CDH12: variants seen among roughly 807,000 people sequenced by gnomAD.
The protein encoded by CDH12 is cadherin 12.
Under a neutral mutation model 74.1 loss-of-function variants are expected in CDH12, and 41 were observed. The observed-to-expected ratio is 0.55, with a 90% CI of 0.43 to 0.72. The LOEUF (loss-of-function observed/expected upper bound fraction) is 0.72. Ranked by LOEUF, CDH12 falls within the 30% of genes least tolerant of loss-of-function variation. The pLI, the probability that CDH12 is intolerant of heterozygous loss-of-function variation, is 0.00. For missense variants in CDH12, 945 were observed against 977.2 expected (o/e 0.97, Z 0.44); for synonymous variants, 399 against 355.0 (o/e 1.12, Z -1.39).
intron 3 of CDH12, among the ~76,000 whole-genome samples, chr5:22,324,732 C>A (rs1409241192): frequency 1.3e-5 from 2 of 151,876 alleles, no homozygotes; most frequent in Non-Finnish European, 2.9e-5. Flanking sequence ...AGAATTTATA[C>A]CTGATCACAA....
intron 3 of CDH12, among the ~76,000 whole-genome samples, chr5:22,244,800 G>GAAAGAAAGAA (rs1554023741): frequency 4.3e-3 from 333 of 76,880 alleles, no homozygotes; most frequent in Middle Eastern, 7.2e-3. Context: ...AAGAAAGAAA[G>GAAAGAAAGAA]AAAAATTCAA....
intron 5 of CDH12, among the ~76,000 whole-genome samples, chr5:22,022,827 C>T (rs1004214304): frequency 6.6e-6 from 1 of 152,108 alleles, no homozygotes; most frequent in Non-Finnish European, 1.5e-5. Context: ...CCTTTACATA[C>T]TGTTTGCTTT....
At chr5:22,416,634 C>T (rs1218249536) in intron 2 of CDH12, among the ~76,000 whole-genome samples, 1 of 151,848 alleles carries the variant, frequency 6.6e-6, no homozygotes, top group Admixed American at 6.6e-5. Context: ...GTATAACCTC[C>T]CAGCTAGAAA....
At chr5:22,416,553 T>C (rs151167943) in intron 2 of CDH12, among the ~76,000 whole-genome samples, 1 of 152,276 alleles carries the variant, frequency 6.6e-6, no homozygotes, top group Non-Finnish European at 1.5e-5. Flanking sequence ...TGACCTCAGG[T>C]TAAAGATCAA....
intron 1 of CDH12, among the ~76,000 whole-genome samples, chr5:22,626,127 G>T (rs268998): frequency 0.15 from 22,246 of 152,032 alleles, 1,640 homozygotes; most frequent in Middle Eastern, 0.18. Context: ...ATGCATACAT[G>T]TTGGCACCCT....
At chr5:22,807,163 A>G (rs554932931) in intron 1 of CDH12, among the ~76,000 whole-genome samples, 2 of 152,326 alleles carry the variant, frequency 1.3e-5, no homozygotes, top group Non-Finnish European at 2.9e-5. Context: ...GGCTAAACAA[A>G]ATTATATAGA....
chr5:22,403,088 C>G (rs980920302), intron 3 of CDH12, among the ~76,000 whole-genome samples: 14 of 152,224 alleles, frequency 9.2e-5, no homozygotes, highest in African/African-American at 3.1e-4. Flanking sequence ...GGCAGTGTAG[C>G]CACTGCCAAG....
intron 3 of CDH12, among the ~76,000 whole-genome samples, chr5:22,265,731 C>G (rs976227238): frequency 1.3e-5 from 2 of 152,214 alleles, no homozygotes; most frequent in South Asian, 4.1e-4. Flanking sequence ...TGCCACTCTC[C>G]TCTGAGCAAT....
At chr5:22,314,110 A>G (rs1203582882) in intron 3 of CDH12, among the ~76,000 whole-genome samples, 2 of 152,158 alleles carry the variant, frequency 1.3e-5, no homozygotes, top group Non-Finnish European at 2.9e-5. Context: ...GTTCTGTTCC[A>G]TTTGGGGCAT....
intron 1 of CDH12, among the ~76,000 whole-genome samples, chr5:22,690,027 T>C (rs556841861): frequency 2.0e-5 from 3 of 152,184 alleles, no homozygotes; most frequent in African/African-American, 4.8e-5. Flanking sequence ...TAGACGGCTA[T>C]GAGAAAGGAG....
At chr5:22,253,008 T>C (rs1476318259) in intron 3 of CDH12, among the ~76,000 whole-genome samples, 2 of 152,004 alleles carry the variant, frequency 1.3e-5, no homozygotes, top group African/African-American at 4.8e-5. Context: ...ATTTGTTATC[T>C]CTTGTGAGTG....
chr5:21,822,127 T>G (rs1322690109), intron 8 of CDH12, among the ~76,000 whole-genome samples: 1 of 151,986 alleles, frequency 6.6e-6, no homozygotes. Flanking sequence ...AAAATTAGTA[T>G]AACAATATCT....
intron 1 of CDH12, among the ~76,000 whole-genome samples, chr5:22,554,290 CT>C (rs1282070660): frequency 1.3e-5 from 2 of 151,956 alleles, no homozygotes; most frequent in Non-Finnish European, 2.9e-5. Context: ...AGAGTGAACC[CT>C]AATGGGAAAC....
intron 1 of CDH12, among the ~76,000 whole-genome samples, chr5:22,838,324 T>G (rs1226826129): frequency 6.6e-6 from 1 of 152,132 alleles, no homozygotes; most frequent in Non-Finnish European, 1.5e-5. Context: ...CAGATTTTCT[T>G]GCCAACTTTG....
At chr5:22,688,847 C>G (rs926874113) in intron 1 of CDH12, among the ~76,000 whole-genome samples, 3 of 152,106 alleles carry the variant, frequency 2.0e-5, no homozygotes, top group Admixed American at 2.0e-4. Context: ...GAGGTTAGAA[C>G]TCTGTGACTG....
chr5:22,666,390 C>G (rs909888739), intron 1 of CDH12, among the ~76,000 whole-genome samples: 1 of 149,936 alleles, frequency 6.7e-6, no homozygotes, highest in Non-Finnish European at 1.5e-5. Flanking sequence ...CCCGGGTTCA[C>G]GCCATTCTCC....
rs1752478893 is a variant in CDH12, at chr5:21,883,676, T to G, written c.527-28886A>C. The G allele has an allele frequency of 2.5e-6, 4 of 1,611,940 alleles. No individual in the cohort carries two copies. In the East Asian group the frequency reaches 8.9e-5, roughly 36 times the overall value. ...ATGCCATGCTCTTAAAAGGAAAAGG[T>G]GACAAGGCTCAACTTGAAAAACGTA... On this transcript the variant is annotated intron_variant, in intron 6 of 14. Coordinates refer to ENST00000382254, the MANE Select transcript of CDH12 (RefSeq NM_004061.5).
At chr5:22,520,834 A>G (rs1737022296) in intron 1 of CDH12, among the ~76,000 whole-genome samples, 1 of 152,288 alleles carries the variant, frequency 6.6e-6, no homozygotes, top group Admixed American at 6.5e-5. Context: ...GGAGACGTGA[A>G]CTATGTCAAA....
intron 2 of CDH12, among the ~76,000 whole-genome samples, chr5:22,455,339 T>G (rs1393433313): frequency 6.6e-6 from 1 of 152,186 alleles, no homozygotes; most frequent in Non-Finnish European, 1.5e-5. Flanking sequence ...AATAGATAAA[T>G]TTTGAAATGA....
Sources: gnomAD v4.1 joint callset for allele counts (sites outside exome capture counted in the v4.1 genomes callset) on GRCh38, gnomAD v4.1.1 for gene constraint, MANE v1.5 for transcripts, NCBI Gene and HGNC (gene_info 2026-07-23, HGNC 2026-07-21) for gene names.